Variants in PREX2 observed in about 807,000 individuals in gnomAD.
The protein encoded by PREX2 is phosphatidylinositol 3,4,5-trisphosphate-dependent Rac exchanger 2 protein.
Under a neutral mutation model 203.2 loss-of-function variants are expected in PREX2, and 107 were observed. The observed-to-expected ratio is 0.53, with a 90% confidence interval of 0.45 to 0.62. The LOEUF (loss-of-function observed/expected upper bound fraction) is 0.62. Ranked by LOEUF, PREX2 falls within the 20% of genes least tolerant of loss-of-function variation. The pLI is 0.00. For missense variants in PREX2, 1,777 were observed against 1,955.9 expected, an observed-to-expected ratio of 0.91 and a Z score of 1.72; for synonymous variants, 672 against 663.6, an observed-to-expected ratio of 1.01 and a Z score of -0.19.
In PREX2 at chr8:68,027,218, C is replaced by A; in HGVS notation, c.442-4C>A. 6.2e-7 allele frequency: 1 copy of A among 1,603,852 alleles called. No individual in the cohort carries two copies. Among genetic ancestry groups the A allele is most frequent in the Non-Finnish European group, 8.5e-7 (1 of 1,171,262 alleles). On this transcript the variant is annotated splice_region_variant and splice_polypyrimidine_tract_variant and intron_variant, in intron 4 of 39. Coordinates refer to ENST00000288368, the MANE Select transcript of PREX2 (RefSeq NM_024870.4). ...GTAATTAATTTTGATTATTTTCACC[C>A]CAGAACTGCATGCTGCTTGGAGGAC...
At chr8:68,084,280 A>G (rs1585772013) in intron 18 of PREX2, among the ~76,000 whole-genome samples, 1 of 152,176 alleles carries the variant, frequency 6.6e-6, no homozygotes, top group Non-Finnish European at 1.5e-5. Flanking sequence ...TCATTTGTCA[A>G]TCATGATAAG....
chr8:68,102,918 T>G (rs556099208), intron 23 of PREX2: 1 of 518,070 alleles, frequency 1.9e-6, no homozygotes, highest in Non-Finnish European at 3.9e-6. Flanking sequence ...GGAGCAGGAT[T>G]TGGGGACAAT....
intron 28 of PREX2, 51 bp from the exon 29 acceptor site, chr8:68,120,145 G>A (rs745437648): frequency 1.2e-5 from 14 of 1,137,834 alleles, no homozygotes; most frequent in Middle Eastern, 4.0e-4. Context: ...TTAGAAATAC[G>A]TATCATGTAC....
chr8:68,100,283 A>G (rs929981050), intron 23 of PREX2: 6 of 441,784 alleles, frequency 1.4e-5, no homozygotes, highest in Middle Eastern at 7.2e-4. Flanking sequence ...TTTGACATAT[A>G]TTTATTAGGC....
At chr8:68,224,711 T>A in intron 39 of PREX2, 85 bp downstream of exon 39, 1 of 992,720 alleles carries the variant, frequency 1.0e-6, no homozygotes, top group Non-Finnish European at 1.6e-6. Flanking sequence ...GCAACTGATC[T>A]AGGATGTGCC....
chr8:68,091,316 A>G (rs1809867790), intron 20 of PREX2, among the ~76,000 whole-genome samples: 1 of 152,236 alleles, frequency 6.6e-6, no homozygotes, highest in Non-Finnish European at 1.5e-5. Context: ...AAGTGCCACA[A>G]AAAACTAAAA....
chr8:68,158,136 C>T (rs1470780636), intron 35 of PREX2, among the ~76,000 whole-genome samples: 3 of 147,474 alleles, frequency 2.0e-5, no homozygotes, highest in African/African-American at 5.0e-5. Flanking sequence ...TATATATATA[C>T]ACACATATAT....
intron 35 of PREX2, among the ~76,000 whole-genome samples, chr8:68,172,652 T>G (rs1811903257): frequency 6.6e-6 from 1 of 152,124 alleles, no homozygotes; most frequent in African/African-American, 2.4e-5. Context: ...ATCTGAGATC[T>G]GAAAGAGGAG....
At chr8:68,185,208 TGATA>T (rs1450270559) in intron 35 of PREX2, among the ~76,000 whole-genome samples, 6 of 152,192 alleles carry the variant, frequency 3.9e-5, no homozygotes, top group Admixed American at 2.6e-4. Context: ...CTTTTTCTGC[TGATA>T]GCTAAGTGTT....
chr8:68,138,443 C>T lies in PREX2; in HGVS notation c.4013C>T (p.Thr1338Ile), dbSNP rs781433534. ...GATGAACAAGCCATGTTAGAAGATA[C>T]ACTGGTTGCACTATTTGATTTGGAA... Reference protein sequence around the residue: ...LTDEQAMLEDTLVALFDLEKV... With the variant: ...LTDEQAMLEDILVALFDLEKV... Residue 1338 changes from threonine (T) to isoleucine (I), a missense_variant, in exon 33 of 40, where the codon ACA becomes ATA. Transcript: ENST00000288368. 11 of 1,601,092 alleles carry T rather than the reference C, an allele frequency of 6.9e-6. 1 individual carries two copies. The South Asian group carries it at 1.0e-4, about 15-fold the overall frequency.
intron 37 of PREX2, among the ~76,000 whole-genome samples, chr8:68,213,454 G>A (rs7015036): frequency 0.44 from 67,108 of 152,064 alleles, 16,876 homozygotes; most frequent in African/African-American, 0.68. Context: ...CCAGCAACTT[G>A]TGGTATTTGT....
Position 68,236,558 on chromosome 8 carries a change from C to T in PREX2, c.*5180C>T, listed in dbSNP as rs537414468. ...AGCCAAGAACACTAAATTGGTAAGA[C>T]GCTTTAGAAAATATGCATTTGAATT... On this transcript the variant is annotated 3_prime_UTR_variant, in exon 40 of 40. Coordinates refer to ENST00000288368, the MANE Select transcript of PREX2 (RefSeq NM_024870.4). 2.0e-5 allele frequency: 3 copies of T among 152,180 alleles called. No homozygotes were observed. Among genetic ancestry groups the T allele is most frequent in the South Asian group, 2.1e-4 (1 of 4,816 alleles). 9.4% of individuals were successfully genotyped at this position (152,180 alleles called of 1,614,324 possible). A position where few individuals can be genotyped will look rare whatever the true frequency, so the allele number is the denominator to read the frequency against.
intron 37 of PREX2, among the ~76,000 whole-genome samples, chr8:68,197,434 G>A (rs1301484671): frequency 6.6e-6 from 1 of 151,916 alleles, no homozygotes; most frequent in Non-Finnish European, 1.5e-5. Flanking sequence ...CTTCTCTTTT[G>A]CCTCCTGCCA....
chr8:68,102,724 A>G (rs1341027572), intron 23 of PREX2: 1 of 417,028 alleles, frequency 2.4e-6, no homozygotes, highest in African/African-American at 2.1e-5. Context: ...TTTGACTCTG[A>G]AAGTTTTAGG....
chr8:67,981,852 A>T (rs1332701824), intron 1 of PREX2, among the ~76,000 whole-genome samples: 1 of 152,178 alleles, frequency 6.6e-6, no homozygotes, highest in Non-Finnish European at 1.5e-5. Context: ...TAGTGGTTTT[A>T]CTACTGGGAA....
intron 35 of PREX2, among the ~76,000 whole-genome samples, chr8:68,190,679 A>G (rs1812273971): frequency 6.6e-6 from 1 of 152,056 alleles, no homozygotes; most frequent in Admixed American, 6.6e-5. Context: ...GGTACAGTAG[A>G]AGCCCAAATC....
chr8:68,036,385 T>A (rs1808031222), intron 6 of PREX2, among the ~76,000 whole-genome samples: 1 of 152,208 alleles, frequency 6.6e-6, no homozygotes, highest in Admixed American at 6.5e-5. Flanking sequence ...TATGTTAATT[T>A]GAGGTACTCG....
At chr8:68,071,785 T>C (rs1425654849) in intron 13 of PREX2, among the ~76,000 whole-genome samples, 1 of 152,102 alleles carries the variant, frequency 6.6e-6, no homozygotes, top group African/African-American at 2.4e-5. Context: ...AACAGGTTCT[T>C]AGTGTGTCTA....
At chr8:68,136,296 T>G (rs1366286922) in intron 32 of PREX2, among the ~76,000 whole-genome samples, 1 of 152,100 alleles carries the variant, frequency 6.6e-6, no homozygotes, top group East Asian at 1.9e-4. Flanking sequence ...ACCCTTAAAT[T>G]TATTTAAGGA....
Sources: allele counts gnomAD v4.1 joint callset (sites outside exome capture counted in the v4.1 genomes callset), GRCh38; gene constraint gnomAD v4.1.1; transcripts MANE v1.5; gene names NCBI Gene and HGNC (gene_info 2026-07-23, HGNC 2026-07-21).